VAV2: variants seen among roughly 807,000 people sequenced by gnomAD.
VAV2 encodes guanine nucleotide exchange factor VAV2.
VAV2 carries 67 observed loss-of-function variants against 132.5 expected under a neutral mutation model. The ratio of observed to expected loss-of-function variants is 0.51; its 90% CI spans 0.42 to 0.62. VAV2 has a LOEUF of 0.62. Ranked by LOEUF, VAV2 falls within the 20% of genes least tolerant of loss-of-function variation. The pLI is 0.00. For missense variants in VAV2, 938 were observed against 1,153.6 expected, an observed-to-expected ratio of 0.81 and a Z score of 2.71; for synonymous variants, 492 against 443.5, an observed-to-expected ratio of 1.11 and a Z score of -1.37.
At chr9:133,798,684 GACA>G (rs545384709) in intron 9 of VAV2, among the ~76,000 whole-genome samples, 141 of 152,330 alleles carry the variant, frequency 9.3e-4, no homozygotes, top group African/African-American at 3.2e-3. Context: ...CAATGTTGGT[GACA>G]ACAAGGATGA....
chr9:133,847,447 G>A (rs1161792171), intron 3 of VAV2, among the ~76,000 whole-genome samples: 1 of 152,228 alleles, frequency 6.6e-6, no homozygotes, highest in Non-Finnish European at 1.5e-5. Flanking sequence ...CAACCCTAAA[G>A]GGGCAGTGGA....
At chr9:133,836,572 C>T (rs1836481476) in intron 3 of VAV2, among the ~76,000 whole-genome samples, 1 of 152,142 alleles carries the variant, frequency 6.6e-6, no homozygotes. Context: ...TATAAAATGA[C>T]ATCATGGCAA....
At chr9:133,873,049 G>A (rs555600951) in intron 2 of VAV2, among the ~76,000 whole-genome samples, 13 of 146,248 alleles carry the variant, frequency 8.9e-5, no homozygotes, top group African/African-American at 3.3e-4. Flanking sequence ...GGAGGCGGAG[G>A]TTGCAGTGAG....
At chr9:133,956,716 AG>A (rs1252610518) in intron 1 of VAV2, among the ~76,000 whole-genome samples, 1 of 152,150 alleles carries the variant, frequency 6.6e-6, no homozygotes, top group Non-Finnish European at 1.5e-5. Flanking sequence ...AGGGAGCGGG[AG>A]GGGGATTCCC....
At chr9:133,985,803 G>A (rs757983425) in intron 1 of VAV2, among the ~76,000 whole-genome samples, 4 of 152,178 alleles carry the variant, frequency 2.6e-5, no homozygotes, top group African/African-American at 7.2e-5. Context: ...AAGCAAGCCG[G>A]TGTAACACAG....
intron 2 of VAV2, among the ~76,000 whole-genome samples, chr9:133,916,686 C>G (rs1481698005): frequency 6.6e-6 from 1 of 152,194 alleles, no homozygotes; most frequent in Non-Finnish European, 1.5e-5. Flanking sequence ...GCTAGAGGCT[C>G]ACGGCTGGGC....
chr9:133,767,565 C>T (rs1197466197), intron 29 of VAV2, among the ~76,000 whole-genome samples: 2 of 152,108 alleles, frequency 1.3e-5, no homozygotes, highest in Non-Finnish European at 2.9e-5. Flanking sequence ...ACCAGTGGTC[C>T]CAGCCCCCTA....
intron 2 of VAV2, among the ~76,000 whole-genome samples, chr9:133,915,383 T>C (rs583505): frequency 0.4 from 60,842 of 151,874 alleles, 12,530 homozygotes; most frequent in East Asian, 0.62. Flanking sequence ...TCTGGCGTTC[T>C]ACAGACTCCA....
intron 25 of VAV2, among the ~76,000 whole-genome samples, chr9:133,774,268 T>C (rs1833732201): frequency 6.6e-6 from 1 of 152,178 alleles, no homozygotes. Context: ...ACCATGAGTG[T>C]GTGCGCCCTA....
At chr9:133,817,884 G>A (rs936309747) in intron 4 of VAV2, among the ~76,000 whole-genome samples, 1 of 152,168 alleles carries the variant, frequency 6.6e-6, no homozygotes, top group East Asian at 1.9e-4. Flanking sequence ...TGTGATGGCT[G>A]ATTTTGTATG....
At chr9:133,974,108 C>A (rs983203842) in intron 1 of VAV2, among the ~76,000 whole-genome samples, 62 of 152,008 alleles carry the variant, frequency 4.1e-4, no homozygotes, top group African/African-American at 1.5e-3. Context: ...CCAGACCCTG[C>A]CCCACCCACC....
At chr9:133,901,098 C>A (rs989433344) in intron 2 of VAV2, among the ~76,000 whole-genome samples, 3 of 148,188 alleles carry the variant, frequency 2.0e-5, no homozygotes, top group South Asian at 4.2e-4. Context: ...CCGTGCCCAG[C>A]CTCTCCTGTC....
chr9:133,772,171 C>T, intron 25 of VAV2, 125 bp from the exon 26 acceptor site: 2 of 724,118 alleles, frequency 2.8e-6, no homozygotes, highest in Non-Finnish European at 4.7e-6. Context: ...CAGGGCCACT[C>T]CCTGTCAGCC....
intron 2 of VAV2, among the ~76,000 whole-genome samples, chr9:133,932,640 G>A (rs57945847): frequency 0.056 from 8,572 of 152,206 alleles, 298 homozygotes; most frequent in African/African-American, 0.089. Flanking sequence ...AGCTTCATTT[G>A]ATCCCTGCAG....
At chr9:133,973,250 G>T (rs939320959) in intron 1 of VAV2, among the ~76,000 whole-genome samples, 1 of 152,148 alleles carries the variant, frequency 6.6e-6, no homozygotes, top group Non-Finnish European at 1.5e-5. Flanking sequence ...CGCTCAGCCC[G>T]CCCAGAGCGT....
Position 133,881,083 on chromosome 9 carries a change from G to A in VAV2, c.322-19651C>T, listed in dbSNP as rs576044881. 6.0e-4 allele frequency among the ~76,000 whole-genome samples: 92 copies of A among 152,374 alleles called. 1 individual carries two copies. In the South Asian group the frequency reaches 0.017, roughly 29 times the overall value. On this transcript the variant is annotated intron_variant, in intron 2 of 29. Coordinates refer to ENST00000371850, the MANE Select transcript of VAV2 (RefSeq NM_001134398.2). ...GAGCTGGGGGCCATGGCCCACCCAC[G>A]TCCCAGAGAGGCTGGGCAGGGAGAG...
intron 1 of VAV2, among the ~76,000 whole-genome samples, chr9:133,946,934 T>C (rs1403509240): frequency 9.2e-5 from 14 of 152,140 alleles, no homozygotes. Flanking sequence ...GGGTCCCAAA[T>C]GCCCTGGACA....
intron 11 of VAV2, 86 bp from the exon 12 acceptor site, chr9:133,795,822 C>T: frequency 2.0e-6 from 3 of 1,470,604 alleles, no homozygotes; most frequent in Non-Finnish European, 1.9e-6. Flanking sequence ...GAGGTGTGCA[C>T]AGAACCAAGT....
chr9:133,986,288 C>T (rs1842854681), intron 1 of VAV2, among the ~76,000 whole-genome samples: 1 of 152,194 alleles, frequency 6.6e-6, no homozygotes, highest in Non-Finnish European at 1.5e-5. Context: ...TGACCTGACG[C>T]TGCTGATGGG....
Sources: allele counts gnomAD v4.1 joint callset (sites outside exome capture counted in the v4.1 genomes callset), GRCh38; gene constraint gnomAD v4.1.1; transcripts MANE v1.5; gene names NCBI Gene and HGNC (gene_info 2026-07-23, HGNC 2026-07-21).